The following FNDC3B variants were observed in gnomAD, a reference collection of about 807,000 sequenced individuals.
FNDC3B encodes the protein fibronectin type III domain containing 3B, also known as fibronectin type III domain-containing protein 3B.
Under a neutral mutation model 151.5 loss-of-function variants are expected in FNDC3B, and 12 were observed. The ratio of observed to expected loss-of-function variants is 0.08; its 90% CI spans 0.05 to 0.13. The LOEUF (loss-of-function observed/expected upper bound fraction) is 0.13. Among genes scored for constraint, FNDC3B ranks in the 10% least tolerant of loss-of-function variants. The pLI is 1.00. For synonymous variants in FNDC3B, 528 were observed against 549.0 expected (o/e 0.96, Z 0.54); for missense variants, 1,214 against 1,505.3 (o/e 0.81, Z 3.20).
At chr3:172,289,836 A>G (rs965611075) in intron 7 of FNDC3B, among the ~76,000 whole-genome samples, 1 of 152,234 alleles carries the variant, frequency 6.6e-6, no homozygotes, top group African/African-American at 2.4e-5. Context: ...TGGGACTTGC[A>G]TTGGCTGTTA....
At chr3:172,279,603 G>A (rs1364417286) in intron 6 of FNDC3B, among the ~76,000 whole-genome samples, 2 of 152,160 alleles carry the variant, frequency 1.3e-5, no homozygotes, top group African/African-American at 4.8e-5. Flanking sequence ...TGTATTTTTA[G>A]CATCAGGATG....
intron 21 of FNDC3B, among the ~76,000 whole-genome samples, chr3:172,350,106 G>A (rs1487574174): frequency 6.6e-6 from 1 of 152,140 alleles, no homozygotes. Context: ...ATAAAAAGGT[G>A]TTTGAAAAAA....
At chr3:172,362,907 C>G (rs1655985181) in intron 23 of FNDC3B, 62 bp downstream of exon 23, 2 of 1,294,662 alleles carry the variant, frequency 1.5e-6, no homozygotes, top group Non-Finnish European at 2.2e-6. Context: ...GATGAAATCT[C>G]AATTGTACAT....
At chr3:172,304,426 G>C (rs1183598299) in intron 9 of FNDC3B, among the ~76,000 whole-genome samples, 4 of 152,184 alleles carry the variant, frequency 2.6e-5, no homozygotes, top group Admixed American at 2.6e-4. Context: ...ATACTTACTG[G>C]GTGGAGGCAG....
chr3:172,335,387 T>G (rs1732912183), intron 15 of FNDC3B: 2 of 206,188 alleles, frequency 9.7e-6, no homozygotes, highest in Admixed American at 1.1e-4. Flanking sequence ...CCTATATTTT[T>G]AAGGCATGGA....
chr3:172,167,789 T>C (rs1292316055), intron 3 of FNDC3B, among the ~76,000 whole-genome samples: 3 of 152,098 alleles, frequency 2.0e-5, no homozygotes, highest in Admixed American at 2.0e-4. Context: ...ACGAACCCTA[T>C]TGTGAACTGC....
chr3:172,124,857 G>GGCTGGT (rs1720732814), intron 2 of FNDC3B, among the ~76,000 whole-genome samples: 1 of 152,202 alleles, frequency 6.6e-6, no homozygotes, highest in African/African-American at 2.4e-5. Context: ...GAGGTGCTGG[G>GGCTGGT]GCTGGTGCTG....
chr3:172,354,041 T>G (rs1733976554), intron 22 of FNDC3B, among the ~76,000 whole-genome samples: 2 of 151,980 alleles, frequency 1.3e-5, no homozygotes, highest in Admixed American at 1.3e-4. Flanking sequence ...GAGGTAAAAA[T>G]AATTCATACT....
intron 3 of FNDC3B, among the ~76,000 whole-genome samples, chr3:172,176,165 GAATTAATAGAAGAGCCCT>G (rs1187635822): frequency 3.3e-5 from 5 of 152,210 alleles, no homozygotes; most frequent in Admixed American, 2.0e-4. Context: ...TGCATTGATT[GAATTAATAGAAGAGCCCT>G]TCATTCCCTT....
chr3:172,389,431 A>G (rs2108387594), intron 25 of FNDC3B, among the ~76,000 whole-genome samples: 1 of 152,376 alleles, frequency 6.6e-6, no homozygotes, highest in East Asian at 1.9e-4. Flanking sequence ...GCTATGAAGT[A>G]TGTGTGCTCT....
chr3:172,363,928 G>C (rs570396062), intron 23 of FNDC3B, among the ~76,000 whole-genome samples: 3 of 152,334 alleles, frequency 2.0e-5, no homozygotes, highest in Admixed American at 6.5e-5. Flanking sequence ...GAAGGAGGCA[G>C]AGACCATCTG....
chr3:172,258,625 T>G (rs1354033138), intron 6 of FNDC3B, among the ~76,000 whole-genome samples: 3 of 152,208 alleles, frequency 2.0e-5, no homozygotes, highest in Non-Finnish European at 2.9e-5. Flanking sequence ...TTGGAGTCTA[T>G]CCTTTTGCTG....
chr3:172,267,275 C>T (rs1728973693), intron 6 of FNDC3B, among the ~76,000 whole-genome samples: 4 of 152,072 alleles, frequency 2.6e-5, no homozygotes, highest in Non-Finnish European at 4.4e-5. Context: ...CCCACCTCAG[C>T]CTCCCAAGTA....
chr3:172,197,661 G>T (rs1405156675), intron 3 of FNDC3B, among the ~76,000 whole-genome samples: 1 of 152,188 alleles, frequency 6.6e-6, no homozygotes, highest in East Asian at 1.9e-4. Context: ...AGAATGCTGT[G>T]ACCTTGTTAC....
At chr3:172,135,617 A>C (rs1250959159) in intron 3 of FNDC3B, among the ~76,000 whole-genome samples, 1 of 152,116 alleles carries the variant, frequency 6.6e-6, no homozygotes, top group East Asian at 1.9e-4. Context: ...TGGCCCAATT[A>C]ACTGAAATGA....
At chr3:172,268,943 T>A (rs929787645) in intron 6 of FNDC3B, among the ~76,000 whole-genome samples, 1 of 152,258 alleles carries the variant, frequency 6.6e-6, no homozygotes, top group Non-Finnish European at 1.5e-5. Context: ...TATTTAAGTG[T>A]GTCTGTTAAA....
At chr3:172,170,287 C>T (rs1419520880) in intron 3 of FNDC3B, among the ~76,000 whole-genome samples, 1 of 152,146 alleles carries the variant, frequency 6.6e-6, no homozygotes, top group Non-Finnish European at 1.5e-5. Flanking sequence ...GTGGACAGGT[C>T]ATATGTTTGT....
At chr3:172,181,395 C>CAA (rs755223783) in intron 3 of FNDC3B, among the ~76,000 whole-genome samples, 11,163 of 71,220 alleles carry the variant, frequency 0.16, 1,666 homozygotes, top group African/African-American at 0.18. Flanking sequence ...ACTCTGTCTC[C>CAA]AAAAAAAAAA....
Position 172,039,710 on chromosome 3 carries a change from G to A in FNDC3B, c.-90G>A, listed in dbSNP as rs1168428952. ...CAGGGATCCTCCAGGCTGCCGGCTG[G>A]GAAGGCGTGGGCGACCCGGTGTGTG... On this transcript the variant is annotated 5_prime_UTR_variant, in exon 1 of 26. Coordinates refer to ENST00000415807, the MANE Select transcript of FNDC3B (RefSeq NM_022763.4). 5 of 158,094 alleles carry A rather than the reference G, an allele frequency of 3.2e-5. No homozygotes were observed. Among genetic ancestry groups the A allele is most frequent in the African/African-American group, 1.2e-4 (5 of 41,510 alleles). The allele number at this position is 158,094 out of a possible 1,614,324, so 9.8% of individuals were successfully genotyped here.
Sources: allele counts gnomAD v4.1 joint callset (sites outside exome capture counted in the v4.1 genomes callset), GRCh38; gene constraint gnomAD v4.1.1; transcripts MANE v1.5; gene names NCBI Gene and HGNC (gene_info 2026-07-23, HGNC 2026-07-21).